The following PDE1A variants were observed in gnomAD, a reference collection of about 807,000 sequenced individuals.
The protein encoded by PDE1A is dual specificity calcium/calmodulin-dependent 3',5'-cyclic nucleotide phosphodiesterase 1A.
In PDE1A, 35 loss-of-function variants were observed where a neutral mutation model predicts 61.7. The observed-to-expected ratio is 0.57, with a 90% CI of 0.43 to 0.75. PDE1A has a LOEUF of 0.75. PDE1A is among the 30% of genes least tolerant of loss of function. The pLI is 0.00. For synonymous variants in PDE1A, 232 were observed against 213.2 expected (o/e 1.09, Z -0.77); for missense variants, 597 against 630.6 (o/e 0.95, Z 0.57).
At chr2:182,539,201 G>T in the PDE1A span, among the ~76,000 whole-genome samples, 2 of 152,092 alleles carry the variant, frequency 1.3e-5, no homozygotes, top group African/African-American at 4.8e-5. Flanking sequence ...CACAAACATG[G>T]TTTATTTTAC....
intron 7 of PDE1A, among the ~76,000 whole-genome samples, chr2:182,207,041 C>G (rs1056664397): frequency 6.6e-6 from 1 of 152,070 alleles, no homozygotes; most frequent in African/African-American, 2.4e-5. Context: ...TGGACTAATA[C>G]AGAAAATTGG....
chr2:182,503,678 G>A (rs920886934), intron 2 of PDE1A, among the ~76,000 whole-genome samples: 40 of 152,098 alleles, frequency 2.6e-4, no homozygotes, highest in South Asian at 4.1e-4. Context: ...TCACCATCAC[G>A]AGAAGCTCTT....
chr2:182,403,598 C>CAAAAAAAAAAAAAAAAAAAAAAAAA (rs548993514), intron 1 of PDE1A, among the ~76,000 whole-genome samples: 3 of 77,642 alleles, frequency 3.9e-5, no homozygotes, highest in African/African-American at 1.8e-4. Context: ...GACTCCGTCT[C>CAAAAAAAAAAAAAAAAAAAAAAAAA]AAAAAAAAAA....
intron 1 of PDE1A, among the ~76,000 whole-genome samples, chr2:182,381,088 G>A (rs1700707236): frequency 6.6e-6 from 1 of 152,124 alleles, no homozygotes; most frequent in Admixed American, 6.5e-5. Flanking sequence ...ATCTAGAAGT[G>A]GTCAGGACAG....
At chr2:182,683,854 T>A in the PDE1A span, among the ~76,000 whole-genome samples, 85,304 of 151,838 alleles carry the variant, frequency 0.56, 25,152 homozygotes, top group Middle Eastern at 0.71. Context: ...GAGCGGGGGC[T>A]CACGTCTGTA....
At chr2:182,483,981 A>G (rs1184136238) in intron 2 of PDE1A, among the ~76,000 whole-genome samples, 1 of 151,386 alleles carries the variant, frequency 6.6e-6, no homozygotes, top group Non-Finnish European at 1.5e-5. Context: ...ATTTTGAACA[A>G]CTCTATGCCA....
the PDE1A span, among the ~76,000 whole-genome samples, chr2:182,688,720 A>T: frequency 1.3e-5 from 2 of 152,222 alleles, no homozygotes; most frequent in Non-Finnish European, 2.9e-5. Flanking sequence ...TCCAATGAAA[A>T]GACACAGACT....
At chr2:182,296,172 A>T (rs1456808717) in intron 1 of PDE1A, among the ~76,000 whole-genome samples, 1 of 152,172 alleles carries the variant, frequency 6.6e-6, no homozygotes, top group Non-Finnish European at 1.5e-5. Flanking sequence ...AAAAACACTA[A>T]CTTAAAGTAT....
the PDE1A span, among the ~76,000 whole-genome samples, chr2:182,549,526 TG>T: frequency 2.0e-5 from 3 of 152,092 alleles, no homozygotes; most frequent in African/African-American, 7.2e-5. Flanking sequence ...TGCAGATCTC[TG>T]GAAAATACCT....
chr2:182,527,300 C>A (rs1690785693), upstream of PDE1A, among the ~76,000 whole-genome samples: 2 of 48,060 alleles, frequency 4.2e-5, no homozygotes, highest in Admixed American at 3.2e-4. Flanking sequence ...AACCCTTTCT[C>A]TATAAAAAAA....
the PDE1A span, among the ~76,000 whole-genome samples, chr2:182,714,393 G>C: frequency 3.9e-5 from 6 of 152,018 alleles, no homozygotes; most frequent in Non-Finnish European, 7.4e-5. Context: ...TTTATGCAGG[G>C]TATATTCACT....
Position 182,226,388 on chromosome 2 carries a change from C to T in PDE1A, c.676-2424G>A, listed in dbSNP as rs1307974106. On this transcript the variant is annotated intron_variant, in intron 6 of 13. Coordinates refer to ENST00000351439, the Ensembl canonical transcript of PDE1A. ...AAATAGTACTTTCTCCACAAATCCC[C>T]CTTACTTATTTCTGCACTATGGACT... Among the ~76,000 whole-genome samples, 8 of 149,656 alleles carry T rather than the reference C, an allele frequency of 5.3e-5. 2 individuals are homozygous for T. Among genetic ancestry groups the T allele is most frequent in the African/African-American group, 2.0e-4 (8 of 39,258 alleles).
At chr2:182,509,628 G>T (rs1302560355) in intron 2 of PDE1A, among the ~76,000 whole-genome samples, 1 of 152,156 alleles carries the variant, frequency 6.6e-6, no homozygotes, top group South Asian at 2.1e-4. Flanking sequence ...CGAAAGACTG[G>T]AGATAATTGT....
At chr2:182,143,772 A>C (rs942293657), downstream of PDE1A, among the ~76,000 whole-genome samples, 7 of 152,070 alleles carry the variant, frequency 4.6e-5, no homozygotes, top group East Asian at 7.7e-4. Context: ...ACCTCGGCCT[A>C]CCAAAGTGCT....
chr2:182,515,114 T>G (rs1347607721), intron 2 of PDE1A, among the ~76,000 whole-genome samples: 2 of 152,196 alleles, frequency 1.3e-5, no homozygotes, highest in Admixed American at 6.5e-5. Flanking sequence ...CCTAGCATCT[T>G]ATGAGGTAGG....
At chr2:182,195,685 A>T (rs1020935691) in intron 10 of PDE1A, among the ~76,000 whole-genome samples, 1 of 152,100 alleles carries the variant, frequency 6.6e-6, no homozygotes, top group African/African-American at 2.4e-5. Context: ...CAAAGGAATG[A>T]AGACATATAT....
At chr2:182,384,212 A>C (rs993536182) in intron 1 of PDE1A, among the ~76,000 whole-genome samples, 5 of 152,204 alleles carry the variant, frequency 3.3e-5, no homozygotes, top group Non-Finnish European at 7.3e-5. Context: ...ATGAGTATCT[A>C]CTTTTTCAAA....
At chr2:182,647,311 G>T in the PDE1A span, among the ~76,000 whole-genome samples, 1 of 152,154 alleles carries the variant, frequency 6.6e-6, no homozygotes, top group Non-Finnish European at 1.5e-5. Context: ...TTACTGAATG[G>T]ATGGATCAGC....
chr2:182,563,295 G>A, the PDE1A span, among the ~76,000 whole-genome samples: 2 of 152,054 alleles, frequency 1.3e-5, no homozygotes, highest in African/African-American at 4.8e-5. Context: ...CTTTATTTCT[G>A]CCTTCATTTC....
Sources: allele counts gnomAD v4.1 joint callset (sites outside exome capture counted in the v4.1 genomes callset), GRCh38; gene constraint gnomAD v4.1.1; transcripts MANE v1.5; gene names NCBI Gene and HGNC (gene_info 2026-07-23, HGNC 2026-07-21).